The following SRRM4 variants were observed in gnomAD, a reference collection of about 807,000 sequenced individuals.
The protein encoded by SRRM4 is serine/arginine repetitive matrix 4.
Under a neutral mutation model 68.9 loss-of-function variants are expected in SRRM4, and 33 were observed. That is an observed-to-expected ratio of 0.48 (90% CI 0.36 to 0.64). The LOEUF (loss-of-function observed/expected upper bound fraction) is 0.64, where lower values mean the gene tolerates loss of function less well. Among genes scored for constraint, SRRM4 ranks in the 30% least tolerant of loss-of-function variants. SRRM4 has a pLI of 0.00. For missense variants in SRRM4, 817 were observed against 827.1 expected (o/e 0.99, Z 0.15); for synonymous variants, 318 against 318.8 (o/e 1.00, Z 0.03).
chr12:119,029,887 G>A (rs374627873), intron 1 of SRRM4, among the ~76,000 whole-genome samples: 2 of 152,146 alleles, frequency 1.3e-5, no homozygotes, highest in East Asian at 1.9e-4. Context: ...TGGTAGGAGC[G>A]AATTCTAATG....
At position 119,162,320 on chromosome 12, in the gene SRRM4, T is replaced by C. The variant is rs1182226239; in HGVS notation, c.*5522T>C. On this transcript the variant is annotated 3_prime_UTR_variant, in exon 13 of 13. Transcript: ENST00000267260. ...TGTCACCTTGATAACTCTTGTATCC[T>C]GGGTTAAAGCCCTCTGTATTTAGTT... 6.6e-6 allele frequency: 1 copy of C among 152,238 alleles called. No homozygotes were observed. The highest frequency in any genetic ancestry group is 1.5e-5 in the Non-Finnish European group (1 of 68,046). The allele number at this position is 152,238 out of a possible 1,614,324, so 9.4% of individuals were successfully genotyped here. A position where few individuals can be genotyped will look rare whatever the true frequency, so the allele number is the denominator to read the frequency against.
At chr12:119,131,775 C>T (rs1410251640) in intron 8 of SRRM4, among the ~76,000 whole-genome samples, 1 of 152,182 alleles carries the variant, frequency 6.6e-6, no homozygotes, top group Non-Finnish European at 1.5e-5. Context: ...CTTTTGTAGA[C>T]TCTAAAGAGA....
chr12:119,130,892 G>A (rs957722917), intron 8 of SRRM4, 58 bp downstream of exon 8: 20 of 1,544,160 alleles, frequency 1.3e-5, no homozygotes, highest in Non-Finnish European at 1.7e-5. Context: ...GGGGAATGTG[G>A]AGGCACAAGT....
At chr12:119,019,954 C>CG (rs993300743) in intron 1 of SRRM4, among the ~76,000 whole-genome samples, 3 of 74,028 alleles carry the variant, frequency 4.1e-5, no homozygotes, top group Non-Finnish European at 1.0e-4. Flanking sequence ...CCCGCTCCCC[C>CG]CCCCCCCAAA....
intron 1 of SRRM4, among the ~76,000 whole-genome samples, chr12:119,002,615 A>G (rs1434509075): frequency 6.6e-6 from 1 of 152,214 alleles, no homozygotes; most frequent in East Asian, 1.9e-4. Context: ...ATAAGGAACT[A>G]TAATATTTTT....
intron 1 of SRRM4, among the ~76,000 whole-genome samples, chr12:119,037,191 G>C (rs1345030496): frequency 1.3e-5 from 2 of 152,146 alleles, no homozygotes; most frequent in Non-Finnish European, 2.9e-5. Flanking sequence ...ATGGTGATGG[G>C]GGTTTGGGGG....
At chr12:119,117,771 G>A (rs925059336) in intron 4 of SRRM4, among the ~76,000 whole-genome samples, 1 of 152,126 alleles carries the variant, frequency 6.6e-6, no homozygotes, top group Non-Finnish European at 1.5e-5. Flanking sequence ...AATTAGCCAG[G>A]TGTGGTGGCA....
At chr12:119,096,726 C>T (rs923524596) in intron 1 of SRRM4, among the ~76,000 whole-genome samples, 1 of 152,218 alleles carries the variant, frequency 6.6e-6, no homozygotes, top group African/African-American at 2.4e-5. Flanking sequence ...TTGTTGGTCT[C>T]TGATTCCCCA....
intron 1 of SRRM4, among the ~76,000 whole-genome samples, chr12:119,036,529 G>T (rs1222405352): frequency 2.0e-5 from 3 of 152,126 alleles, no homozygotes; most frequent in Admixed American, 2.0e-4. Flanking sequence ...GAAACAGAGT[G>T]TCTTGAGGTT....
intron 1 of SRRM4, among the ~76,000 whole-genome samples, chr12:119,060,447 G>A (rs1426561344): frequency 6.7e-6 from 1 of 149,630 alleles, no homozygotes; most frequent in Non-Finnish European, 1.5e-5. Flanking sequence ...AACTACCTGT[G>A]TGTACATTAA....
intron 1 of SRRM4, among the ~76,000 whole-genome samples, chr12:119,084,986 C>G (rs893717993): frequency 6.6e-6 from 1 of 152,180 alleles, no homozygotes; most frequent in South Asian, 2.1e-4. Context: ...CTGCAACCTT[C>G]GCCTCCTGGG....
intron 1 of SRRM4, among the ~76,000 whole-genome samples, chr12:119,089,349 T>G (rs1443690700): frequency 5.3e-5 from 8 of 152,226 alleles, no homozygotes; most frequent in Admixed American, 2.6e-4. Context: ...GTAATGGGTT[T>G]GACTTTTAAA....
At chr12:118,982,099 A>AGCCGG (rs1400825428) in intron 1 of SRRM4, 86 bp downstream of exon 1, 5 of 1,478,010 alleles carry the variant, frequency 3.4e-6, no homozygotes, top group Non-Finnish European at 4.5e-6. Flanking sequence ...GGATGCAGGC[A>AGCCGG]GCCGGGCCAG....
At chr12:119,130,428 T>G (rs111759427) in intron 7 of SRRM4, among the ~76,000 whole-genome samples, 11 of 130,682 alleles carry the variant, frequency 8.4e-5, no homozygotes, top group South Asian at 7.1e-4. Flanking sequence ...GATGGATGGA[T>G]GGATGGATGG....
chr12:118,988,828 G>A (rs1439887567), intron 1 of SRRM4, among the ~76,000 whole-genome samples: 1 of 152,186 alleles, frequency 6.6e-6, no homozygotes, highest in Non-Finnish European at 1.5e-5. Context: ...ATAAAGCCAA[G>A]GAAAGGAATA....
chr12:119,120,155 C>A, intron 4 of SRRM4, 95 bp from the exon 5 acceptor site: 1 of 717,442 alleles, frequency 1.4e-6, no homozygotes, highest in Non-Finnish European at 2.3e-6. Flanking sequence ...TTCTCTCCTT[C>A]TCTCCCTCTC....
At chr12:119,098,512 G>T (rs1954058651) in intron 1 of SRRM4, among the ~76,000 whole-genome samples, 1 of 152,130 alleles carries the variant, frequency 6.6e-6, no homozygotes, top group Admixed American at 6.6e-5. Flanking sequence ...AAAAAATATT[G>T]CCTGATGTTC....
intron 2 of SRRM4, among the ~76,000 whole-genome samples, chr12:119,102,797 G>A (rs73213731): frequency 0.077 from 11,718 of 152,186 alleles, 501 homozygotes; most frequent in Admixed American, 0.1. Context: ...ACCTGTCTCA[G>A]GAGTTTCAGG....
Position 118,997,719 on chromosome 12 carries a change from G to C in SRRM4, c.131+15706G>C, listed in dbSNP as rs553920506. Among the ~76,000 whole-genome samples, 15 of 152,328 alleles carry C rather than the reference G, an allele frequency of 9.8e-5. 1 individual carries two copies. Among genetic ancestry groups the C allele is most frequent in the East Asian group, 3.9e-4 (2 of 5,188 alleles). Reference sequence around the variant, plus strand: ...AAAAAAGAACAGGGGAAAATATAGAGAGAGGGAAAATATCCACATAGATCA... The same window carrying C: ...AAAAAAGAACAGGGGAAAATATAGACAGAGGGAAAATATCCACATAGATCA... On this transcript the variant is annotated intron_variant, in intron 1 of 12. Transcript: ENST00000267260.
Sources: allele counts gnomAD v4.1 joint callset (sites outside exome capture counted in the v4.1 genomes callset), GRCh38; gene constraint gnomAD v4.1.1; transcripts MANE v1.5; gene names NCBI Gene and HGNC (gene_info 2026-07-23, HGNC 2026-07-21).